Variants in TERF2 observed in about 807,000 individuals in gnomAD.
TERF2 encodes telomeric repeat binding factor 2, also known as telomeric repeat-binding factor 2.
Under a neutral mutation model 56.1 loss-of-function variants are expected in TERF2, and 16 were observed. The observed-to-expected ratio is 0.29, with a 90% CI of 0.19 to 0.43. The LOEUF is 0.43. TERF2 is among the 20% of genes least tolerant of loss of function. TERF2 has a pLI of 1.00. For synonymous variants in TERF2, 296 were observed against 282.1 expected (o/e 1.05, Z -0.50); for missense variants, 547 against 712.9 (o/e 0.77, Z 2.65).
intron 3 of TERF2, among the ~76,000 whole-genome samples, chr16:69,378,125 G>A (rs1288869481): frequency 6.6e-6 from 1 of 152,130 alleles, no homozygotes; most frequent in African/African-American, 2.4e-5. Context: ...GTTGAATTCT[G>A]TGAATTTCAG....
chr16:69,374,362 G>C (rs1408514799), intron 3 of TERF2, among the ~76,000 whole-genome samples: 1 of 152,002 alleles, frequency 6.6e-6, no homozygotes, highest in Non-Finnish European at 1.5e-5. Flanking sequence ...GATCCCGGTG[G>C]CTCATAACTG....
rs1597265623 is a variant in TERF2 at position 69,385,584 on chromosome 16, G to GGCCCT, written c.379+4_379+8dup. The GGCCCT allele has an allele frequency of 1.5e-6, 1 of 646,068 alleles. No individual in the cohort carries two copies. 40.0% of individuals were successfully genotyped at this position (646,068 alleles called of 1,614,324 possible). ...CGCTCCAACCCCCCTCCCCCGGCCC[G>GGCCCT]GCCCTCACCCTGCATGATGTCCCGG... On this transcript the variant is annotated intron_variant, in intron 1 of 9. Transcript: ENST00000254942.
rs1025281547 is a variant in TERF2 at position 69,356,692 on chromosome 16, C to T, written c.*206G>A. 6.2e-6 allele frequency: 3 copies of T among 480,508 alleles called. No individual in the cohort carries two copies. The highest frequency in any genetic ancestry group is 1.1e-5 in the Non-Finnish European group (3 of 281,498). 29.8% of individuals were successfully genotyped at this position (480,508 alleles called of 1,614,324 possible). On this transcript the variant is annotated 3_prime_UTR_variant, in exon 10 of 10. Transcript: ENST00000254942. Reference sequence around the variant, plus strand: ...GCGGGCGCCTGTAGTCCCAGCTACTCGGGAGGCTGAGGCAGGAGAATGGCG... The same window carrying T: ...GCGGGCGCCTGTAGTCCCAGCTACTTGGGAGGCTGAGGCAGGAGAATGGCG...
intron 5 of TERF2, among the ~76,000 whole-genome samples, chr16:69,369,071 T>C (rs2013465149): frequency 1.3e-5 from 1 of 78,586 alleles, no homozygotes; most frequent in East Asian, 2.3e-4. Context: ...TTGAGAATCC[T>C]TATCTATATA....
rs959275435 is a variant in TERF2 at position 69,356,755 on chromosome 16, A to C, written c.*143T>G. 2.2e-6 allele frequency: 2 copies of C among 891,824 alleles called. No individual in the cohort carries two copies. Among genetic ancestry groups the C allele is most frequent in the Non-Finnish European group, 3.2e-6 (2 of 625,044 alleles). The allele number at this position is 891,824 out of a possible 1,614,324, so 55.2% of individuals were successfully genotyped here. ...ACGGAGGTCGCAGTGAGCCGAGATC[A>C]CGCCACTGCACTCCAGCCTGGGTGA... On this transcript the variant is annotated 3_prime_UTR_variant, in exon 10 of 10. Transcript: ENST00000254942.
At chr16:69,380,802 A>T (rs964751661) in intron 3 of TERF2, among the ~76,000 whole-genome samples, 5 of 140,746 alleles carry the variant, frequency 3.6e-5, no homozygotes, top group Admixed American at 2.2e-4. Flanking sequence ...ACATTCATTA[A>T]TTTTTTTTTT....
At chr16:69,368,596 C>A in intron 5 of TERF2, 114 bp from the exon 6 acceptor site, 1 of 1,550,026 alleles carries the variant, frequency 6.5e-7, no homozygotes, top group South Asian at 1.2e-5. Flanking sequence ...CAAATCCAAT[C>A]TAGGCATAAA....
At chr16:69,359,392 G>C (rs2013041474) in intron 8 of TERF2, among the ~76,000 whole-genome samples, 1 of 151,760 alleles carries the variant, frequency 6.6e-6, no homozygotes, top group Non-Finnish European at 1.5e-5. Context: ...GCTGGGAGTG[G>C]TGGCACATAC....
At chr16:69,368,704 T>A in intron 5 of TERF2, 45 of 1,053,820 alleles carry the variant, frequency 4.3e-5, no homozygotes, top group Non-Finnish European at 5.6e-5. Context: ...TGAGAGGGAG[T>A]CTTGCTCTGT....
At chr16:69,381,992 TGAC>T (rs1255112014) in intron 3 of TERF2, among the ~76,000 whole-genome samples, 3 of 152,222 alleles carry the variant, frequency 2.0e-5, no homozygotes, top group African/African-American at 7.2e-5. Context: ...AAGAATACAA[TGAC>T]TACTAGTACA....
In TERF2 at chr16:69,385,689, T is replaced by C. The variant is rs774078692; in HGVS notation, c.283A>G (p.Asn95Asp). 6.2e-7 allele frequency: 1 copy of C among 1,607,906 alleles called. No homozygotes were observed. The highest frequency in any genetic ancestry group is 8.5e-7 in the Non-Finnish European group (1 of 1,178,164). ...AGEARLEEAV[N>D]RWVLKFYFHE... Reference sequence around the variant, plus strand: ...AAGTAGAACTTGAGCACCCAGCGATTGACTGCCTCTTCCAGCCGTGCCTCC... The same window carrying C: ...AAGTAGAACTTGAGCACCCAGCGATCGACTGCCTCTTCCAGCCGTGCCTCC... The change falls in exon 1 of 10, where the codon AAT (asparagine) becomes GAT (aspartate). Residue 95 changes from asparagine to aspartate, a missense_variant. Physicochemically the swap from Asn to Asp is conservative, Grantham distance 23. Transcript: ENST00000254942.
At chr16:69,364,639 C>T (rs1245756762) in intron 7 of TERF2, among the ~76,000 whole-genome samples, 1 of 152,018 alleles carries the variant, frequency 6.6e-6, no homozygotes, top group African/African-American at 2.4e-5. Flanking sequence ...TTTCTCATGC[C>T]TGTATGTAAG....
Position 69,384,050 on chromosome 16 carries a change from G to A in TERF2, c.606+530C>T, listed in dbSNP as rs181386251. On this transcript the variant is annotated intron_variant, in intron 3 of 9. Transcript: ENST00000254942. ...CCATTAGCTTTTTTCTTGAATTCAA[G>A]AACACTGCCTGTGCCGGATTTCTAT... Among the ~76,000 whole-genome samples, 7 of 152,260 alleles carry A rather than the reference G, an allele frequency of 4.6e-5. No individual in the cohort carries two copies. The East Asian group carries it at 1.2e-3, about 25-fold the overall frequency.
intron 7 of TERF2, among the ~76,000 whole-genome samples, chr16:69,361,886 G>A (rs77348788): frequency 0.035 from 4,018 of 115,990 alleles, 78 homozygotes; most frequent in Non-Finnish European, 0.058. Flanking sequence ...TGATTTTTCC[G>A]TTTCCATTCC....
chr16:69,358,477 C>T (rs1035267765), intron 8 of TERF2, among the ~76,000 whole-genome samples: 3 of 152,084 alleles, frequency 2.0e-5, no homozygotes, highest in African/African-American at 4.8e-5. Context: ...ACTGAGGGAA[C>T]GTCATATTTA....
chr16:69,372,462 TA>T (rs1294743990), intron 3 of TERF2, 107 bp from the exon 4 acceptor site: 3 of 772,424 alleles, frequency 3.9e-6, no homozygotes, highest in Non-Finnish European at 6.1e-6. Context: ...TTTCTGTACT[TA>T]AAAACTAACA....
intron 7 of TERF2, among the ~76,000 whole-genome samples, chr16:69,362,359 G>C (rs1171056425): frequency 2.0e-5 from 3 of 152,100 alleles, no homozygotes; most frequent in Non-Finnish European, 4.4e-5. Context: ...TGCCTGCAGT[G>C]CTGTTTCCAC....
At chr16:69,368,510 G>T (rs758633586) in intron 5 of TERF2, 28 bp from the exon 6 acceptor site, 1 of 1,613,220 alleles carries the variant, frequency 6.2e-7, no homozygotes. Flanking sequence ...TCATCAGGAA[G>T]AAGAGGCCAC....
intron 8 of TERF2, among the ~76,000 whole-genome samples, chr16:69,360,963 T>G (rs1398986546): frequency 6.6e-6 from 1 of 152,082 alleles, no homozygotes; most frequent in African/African-American, 2.4e-5. Context: ...CAGGGCACAG[T>G]GACTCACATC....
Sources: gnomAD v4.1 joint callset for allele counts (sites outside exome capture counted in the v4.1 genomes callset) on GRCh38, gnomAD v4.1.1 for gene constraint, MANE v1.5 for transcripts, NCBI Gene and HGNC (gene_info 2026-07-23, HGNC 2026-07-21) for gene names.